Variants in RIMBP2 observed in about 807,000 individuals in gnomAD.
The protein encoded by RIMBP2 is RIMS-binding protein 2.
A neutral mutation model predicts 118.6 loss-of-function variants in RIMBP2; 48 were observed. That is an observed-to-expected ratio of 0.40 (90% confidence interval 0.32 to 0.51). The LOEUF (loss-of-function observed/expected upper bound fraction) is 0.51. RIMBP2 is among the 20% of genes least tolerant of loss of function. The pLI is 0.41. For synonymous variants in RIMBP2, 762 were observed against 742.9 expected, an observed-to-expected ratio of 1.03 and a Z score of -0.42; for missense variants, 1,551 against 1,768.3, an observed-to-expected ratio of 0.88 and a Z score of 2.20.
chr12:130,667,077 AAAAAATGAG>A (rs2063967502), intron 1 of RIMBP2, among the ~76,000 whole-genome samples: 10 of 60,368 alleles, frequency 1.7e-4, no homozygotes, highest in African/African-American at 4.9e-4. Flanking sequence ...GGGAGGGAGG[AAAAAATGAG>A]GGAGGGAGGA....
chr12:130,672,734 G>T (rs1042132586), intron 1 of RIMBP2, among the ~76,000 whole-genome samples: 1 of 152,174 alleles, frequency 6.6e-6, no homozygotes, highest in Non-Finnish European at 1.5e-5. Flanking sequence ...GATTGCAGCC[G>T]CTCAGAAACA....
chr12:130,671,283 G>A (rs927296851), intron 1 of RIMBP2, among the ~76,000 whole-genome samples: 8 of 152,184 alleles, frequency 5.3e-5, no homozygotes, highest in African/African-American at 9.6e-5. Context: ...CCTTGTTTAC[G>A]CCACCTCACT....
chr12:130,582,432 T>G (rs1033866403), intron 2 of RIMBP2, among the ~76,000 whole-genome samples: 1 of 152,188 alleles, frequency 6.6e-6, no homozygotes, highest in African/African-American at 2.4e-5. Flanking sequence ...GCAGATAGTG[T>G]GTGATTCCAG....
At chr12:130,570,752 C>T (rs1485008577) in intron 2 of RIMBP2, among the ~76,000 whole-genome samples, 1 of 152,218 alleles carries the variant, frequency 6.6e-6, no homozygotes, top group East Asian at 1.9e-4. Context: ...CCAATGAGAA[C>T]AGTGTTAAGC....
At chr12:130,414,102 G>GC (rs780574595) in intron 18 of RIMBP2, 23 bp downstream of exon 18, 1 of 1,613,128 alleles carries the variant, frequency 6.2e-7, no homozygotes, top group Non-Finnish European at 8.5e-7. Flanking sequence ...TGATGAAGCC[G>GC]CCCGCAGGCA....
chr12:130,585,166 A>T (rs1329478516), intron 2 of RIMBP2, among the ~76,000 whole-genome samples: 1 of 152,182 alleles, frequency 6.6e-6, no homozygotes, highest in African/African-American at 2.4e-5. Flanking sequence ...AGAGGTTAAC[A>T]GGCGTGAGCC....
intron 4 of RIMBP2, among the ~76,000 whole-genome samples, chr12:130,493,763 A>T (rs1272959945): frequency 1.3e-5 from 2 of 152,220 alleles, no homozygotes; most frequent in Non-Finnish European, 2.9e-5. Context: ...GAATTCTTAC[A>T]TGCTCCATCT....
intron 16 of RIMBP2, among the ~76,000 whole-genome samples, chr12:130,423,496 A>G (rs2076549290): frequency 6.6e-6 from 1 of 152,180 alleles, no homozygotes. Flanking sequence ...GACACAATAT[A>G]GAGATGAATG....
Position 130,624,560 on chromosome 12 carries a change from G to T in RIMBP2, c.-217+3762C>A, listed in dbSNP as rs572604303. Among the ~76,000 whole-genome samples, 14 of 152,232 alleles carry T rather than the reference G, an allele frequency of 9.2e-5. No homozygotes were observed. The South Asian group carries it at 2.9e-3, about 32-fold the overall frequency. Reference sequence around the variant, plus strand: ...AACTCTTCATAATGATTGCCAATGGGAATTAGGAACAGGAAATATTTATCA... The same window carrying T: ...AACTCTTCATAATGATTGCCAATGGTAATTAGGAACAGGAAATATTTATCA... On this transcript the variant is annotated intron_variant, in intron 2 of 22. Coordinates refer to ENST00000690449, the MANE Select transcript of RIMBP2 (RefSeq NM_001393629.1).
Position 130,623,915 on chromosome 12 carries a change from C to A in RIMBP2, c.-217+4407G>T, listed in dbSNP as rs1279916593. ...GAGTCCCCATCACCCACAGTGGCAA[C>A]TGGCTGGATAACACACACCCATTAC... On this transcript the variant is annotated intron_variant, in intron 2 of 22. Transcript: ENST00000690449. This position sits in a 1 kb window ranked among gnomAD's most constrained non-coding sequence, Gnocchi z 4.1. Among the ~76,000 whole-genome samples, 1 of 152,240 alleles carries A rather than the reference C, an allele frequency of 6.6e-6. No individual in the cohort carries two copies.
intron 15 of RIMBP2, chr12:130,427,368 A>G (rs1445057394): frequency 2.6e-5 from 4 of 152,230 alleles, no homozygotes; most frequent in Non-Finnish European, 5.9e-5. Context: ...TTAGCCTAGC[A>G]CAGGGCCTGG....
At position 130,399,750 on chromosome 12, in the gene RIMBP2, C is replaced by T. The variant is rs2074351108; in HGVS notation, c.3829G>A (p.Val1277Ile). Reference sequence around the variant, plus strand: ...GGAGCATCAGAAAGATAGACTTCTACGTCATCAGGCACTTCTTCCAAGAAG... The same window carrying T: ...GGAGCATCAGAAAGATAGACTTCTATGTCATCAGGCACTTCTTCCAAGAAG... ...SNFLEEVPDD[V>I]EVYLSDAPSH... Residue 1277 changes from valine (V) to isoleucine (I), a missense_variant, in exon 22 of 23, where the codon GTA (valine) becomes ATA (isoleucine). Val to Ile is a conservative substitution (Grantham distance 29, BLOSUM62 3). Transcript: ENST00000690449. The T allele has an allele frequency of 3.7e-6, 6 of 1,614,134 alleles. No individual in the cohort carries two copies. Among genetic ancestry groups the T allele is most frequent in the Admixed American group, 1.7e-5 (1 of 60,026 alleles).
chr12:130,654,797 A>G (rs571003199), intron 1 of RIMBP2, among the ~76,000 whole-genome samples: 1 of 152,344 alleles, frequency 6.6e-6, no homozygotes, highest in South Asian at 2.1e-4. Context: ...CTCAGCTTCT[A>G]GTGAGGCCTC....
At chr12:130,582,688 C>T (rs2058558694) in intron 2 of RIMBP2, among the ~76,000 whole-genome samples, 1 of 152,338 alleles carries the variant, frequency 6.6e-6, no homozygotes, top group South Asian at 2.1e-4. Flanking sequence ...GAAAGAAATG[C>T]ACATTCTCTG....
At chr12:130,689,651 C>A (rs1453097408) in intron 1 of RIMBP2, among the ~76,000 whole-genome samples, 1 of 152,034 alleles carries the variant, frequency 6.6e-6, no homozygotes, top group Non-Finnish European at 1.5e-5. Context: ...GGGAGGGGGA[C>A]GGGCCCATCA....
At chr12:130,537,615 G>A (rs1172209980) in intron 2 of RIMBP2, among the ~76,000 whole-genome samples, 1 of 152,212 alleles carries the variant, frequency 6.6e-6, no homozygotes, top group African/African-American at 2.4e-5. Context: ...AAAGATCCGG[G>A]TGCATATTAG....
intron 2 of RIMBP2, among the ~76,000 whole-genome samples, chr12:130,586,112 T>A (rs965468822): frequency 2.0e-5 from 3 of 152,236 alleles, no homozygotes; most frequent in Non-Finnish European, 2.9e-5. Flanking sequence ...CTGTCTCTGA[T>A]GAGATAAATG....
At chr12:130,436,730 C>G (rs2077545094) in intron 13 of RIMBP2, 112 bp downstream of exon 13, 1 of 883,022 alleles carries the variant, frequency 1.1e-6, no homozygotes, top group Non-Finnish European at 1.5e-6. Flanking sequence ...CGCGGCCCCC[C>G]TCCCTGCAAG....
intron 6 of RIMBP2, among the ~76,000 whole-genome samples, chr12:130,461,209 G>A (rs1357090456): frequency 6.6e-6 from 1 of 152,144 alleles, no homozygotes; most frequent in African/African-American, 2.4e-5. Context: ...AGGGGTTGTA[G>A]GGACGCTGGC....
Sources: allele counts gnomAD v4.1 joint callset (sites outside exome capture counted in the v4.1 genomes callset), GRCh38; gene constraint gnomAD v4.1.1; non-coding constraint Gnocchi (gnomAD v3.1); transcripts MANE v1.5; gene names NCBI Gene and HGNC (gene_info 2026-07-23, HGNC 2026-07-21).